Variants in SLC44A1 observed in about 807,000 individuals in gnomAD.
The protein encoded by SLC44A1 is choline transporter-like protein 1.
Under a neutral mutation model 79.3 loss-of-function variants are expected in SLC44A1, and 26 were observed. The ratio of observed to expected loss-of-function variants is 0.33; its 90% confidence interval spans 0.24 to 0.46. SLC44A1 has a LOEUF of 0.46. Among genes scored for constraint, SLC44A1 ranks in the 20% least tolerant of loss-of-function variants. The pLI is 1.00. For synonymous variants in SLC44A1, 263 were observed against 286.2 expected (o/e 0.92, Z 0.82); for missense variants, 688 against 798.1 (o/e 0.86, Z 1.66).
intron 15 of SLC44A1, among the ~76,000 whole-genome samples, chr9:105,420,861 C>CAAAA (rs34053627): frequency 2.4e-4 from 3 of 12,474 alleles, no homozygotes; most frequent in East Asian, 2.8e-3. Context: ...AACTCCATCT[C>CAAAA]AAAAAAAAAA....
rs756208811 is a variant in SLC44A1, at chr9:105,391,240, A to G, written c.*2184A>G. 4 of 985,642 alleles carry G rather than the reference A, an allele frequency of 4.1e-6. No individual in the cohort carries two copies. The highest frequency in any genetic ancestry group is 1.7e-5 in the African/African-American group (1 of 57,220). 61.1% of individuals were successfully genotyped at this position (985,642 alleles called of 1,614,324 possible). A position where few individuals can be genotyped will look rare whatever the true frequency, so the allele number is the denominator to read the frequency against. ...GGACTGTTGCTGCTCCCTGTTCCAT[A>G]TGCTCGCAATCTCAGCTATTTGGAA... On this transcript the variant is annotated 3_prime_UTR_variant, in exon 16 of 16. Transcript: ENST00000374720.
intron 3 of SLC44A1, among the ~76,000 whole-genome samples, chr9:105,327,709 T>C (rs1826623459): frequency 6.6e-6 from 1 of 152,218 alleles, no homozygotes; most frequent in African/African-American, 2.4e-5. Context: ...GCGCTGTTCC[T>C]ACCCCCTTTC....
chr9:105,407,240 G>C (rs1256027562), intron 15 of SLC44A1, among the ~76,000 whole-genome samples: 1 of 152,020 alleles, frequency 6.6e-6, no homozygotes. Flanking sequence ...TATAAGGTCT[G>C]GGCTATAAAG....
intron 15 of SLC44A1, among the ~76,000 whole-genome samples, chr9:105,406,952 A>G (rs555253030): frequency 6.6e-6 from 1 of 152,318 alleles, no homozygotes; most frequent in South Asian, 2.1e-4. Context: ...GGAACCAAAT[A>G]GAAAACCTGG....
At chr9:105,414,088 A>G (rs1363427242) in intron 15 of SLC44A1, among the ~76,000 whole-genome samples, 1 of 148,962 alleles carries the variant, frequency 6.7e-6, no homozygotes, top group African/African-American at 2.5e-5. Flanking sequence ...TTTGAGACAG[A>G]GTCTTGCTCT....
In SLC44A1 at chr9:105,389,969, G is replaced by T; in HGVS notation, c.*913G>T. On this transcript the variant is annotated 3_prime_UTR_variant, in exon 16 of 16. Coordinates refer to ENST00000374720, the MANE Select transcript of SLC44A1 (RefSeq NM_080546.5). ...TGGAACATAAAGCATTGAAAATTCC[G>T]GTGCTTGGGCTTCGGCTTCAGAGTA... 2.0e-6 allele frequency: 3 copies of T among 1,469,820 alleles called. No homozygotes were observed. Among genetic ancestry groups the T allele is most frequent in the Non-Finnish European group, 2.7e-6 (3 of 1,112,460 alleles). The allele number at this position is 1,469,820 out of a possible 1,614,324, so 91.0% of individuals were successfully genotyped here.
At chr9:105,268,046 A>G (rs1391058329) in intron 1 of SLC44A1, among the ~76,000 whole-genome samples, 2 of 152,140 alleles carry the variant, frequency 1.3e-5, no homozygotes, top group Non-Finnish European at 2.9e-5. Flanking sequence ...TGTTGGTTTC[A>G]ATATTCAGTG....
At chr9:105,312,926 A>G (rs895806809) in intron 3 of SLC44A1, among the ~76,000 whole-genome samples, 4 of 152,170 alleles carry the variant, frequency 2.6e-5, no homozygotes, top group Admixed American at 1.3e-4. Flanking sequence ...TCCCTCCTCA[A>G]GAGCCTTTCC....
At chr9:105,400,136 G>A (rs1007803121), downstream of SLC44A1, among the ~76,000 whole-genome samples, 5 of 151,364 alleles carry the variant, frequency 3.3e-5, no homozygotes, top group Middle Eastern at 3.4e-3. Context: ...CATACGTTGC[G>A]GTGAGCCGAG....
intron 13 of SLC44A1, among the ~76,000 whole-genome samples, chr9:105,382,420 C>T (rs1220755494): frequency 1.3e-5 from 2 of 152,182 alleles, no homozygotes; most frequent in Non-Finnish European, 2.9e-5. Flanking sequence ...TTGGCAACCT[C>T]TTTCTTCACA....
chr9:105,275,210 A>G (rs1368165779), intron 1 of SLC44A1, among the ~76,000 whole-genome samples: 3 of 152,238 alleles, frequency 2.0e-5, no homozygotes, highest in East Asian at 1.9e-4. Context: ...AGGGAGGCCT[A>G]TCTCAATTTG....
downstream of SLC44A1, among the ~76,000 whole-genome samples, chr9:105,400,684 T>A (rs530119615): frequency 2.8e-4 from 42 of 152,244 alleles, no homozygotes; most frequent in African/African-American, 9.9e-4. Context: ...TTAAAATGGA[T>A]TAAAAAATTT....
chr9:105,336,388 A>G (rs1360616723), intron 4 of SLC44A1, among the ~76,000 whole-genome samples: 1 of 152,200 alleles, frequency 6.6e-6, no homozygotes, highest in Non-Finnish European at 1.5e-5. Context: ...TAGCTGAGAA[A>G]ACTAACATAG....
At chr9:105,251,209 C>CT (rs1417206157) in intron 1 of SLC44A1, among the ~76,000 whole-genome samples, 14 of 152,188 alleles carry the variant, frequency 9.2e-5, no homozygotes, top group Non-Finnish European at 1.8e-4. Flanking sequence ...CCCTCACCCC[C>CT]GGCTTTTTCA....
intron 5 of SLC44A1, among the ~76,000 whole-genome samples, chr9:105,354,254 G>A (rs940319253): frequency 7.9e-5 from 12 of 151,082 alleles, no homozygotes; most frequent in African/African-American, 1.7e-4. Flanking sequence ...GTTTCACCGT[G>A]TTAGCCAGGA....
chr9:105,253,569 A>T (rs1350657906), intron 1 of SLC44A1, among the ~76,000 whole-genome samples: 1 of 152,182 alleles, frequency 6.6e-6, no homozygotes, highest in East Asian at 1.9e-4. Context: ...TCTACAAAAA[A>T]TAGCAAAACA....
chr9:105,259,678 C>G (rs1829797791), intron 1 of SLC44A1, among the ~76,000 whole-genome samples: 1 of 152,118 alleles, frequency 6.6e-6, no homozygotes, highest in African/African-American at 2.4e-5. Flanking sequence ...TGTTGGAAGA[C>G]AATTCTAAAG....
chr9:105,385,314 C>T, intron 14 of SLC44A1, 108 bp from the exon 15 acceptor site: 1 of 749,470 alleles, frequency 1.3e-6, no homozygotes, highest in Non-Finnish European at 2.3e-6. Context: ...GTTTTTAAGC[C>T]ATCCATTTAC....
In SLC44A1 at chr9:105,364,556, C is replaced by A. The variant is rs964990196; in HGVS notation, c.1089C>A (p.Gly363=). The A allele has an allele frequency of 1.9e-6, 3 of 1,607,620 alleles. No homozygotes were observed. The highest frequency in any genetic ancestry group is 2.5e-6 in the Non-Finnish European group (3 of 1,177,988). The change falls in exon 10 of 16, where the codon GGC becomes GGA. Residue 363 remains glycine (G), a splice_region_variant and synonymous_variant. Coordinates refer to ENST00000374720, the MANE Select transcript of SLC44A1 (RefSeq NM_080546.5). ...IMTLLFLGTT[G]SPVQNEQGFV... ...TTTCCTTCCTTGATATTTTCCTAGGCAGTCCTGTTCAGAATGAGCAAGGCT... is the reference window on the plus strand; with the variant it reads ...TTTCCTTCCTTGATATTTTCCTAGGAAGTCCTGTTCAGAATGAGCAAGGCT...
Sources: gnomAD v4.1 joint callset for allele counts (sites outside exome capture counted in the v4.1 genomes callset) on GRCh38, gnomAD v4.1.1 for gene constraint, MANE v1.5 for transcripts, NCBI Gene and HGNC (gene_info 2026-07-23, HGNC 2026-07-21) for gene names.